GFI1B: variants seen among roughly 807,000 people sequenced by gnomAD.
The protein encoded by GFI1B is growth factor independent 1B transcriptional repressor.
A neutral mutation model predicts 35.3 loss-of-function variants in GFI1B; 20 were observed. The ratio of observed to expected loss-of-function variants is 0.57; its 90% CI spans 0.40 to 0.82. The LOEUF is 0.82. GFI1B is among the 40% of genes least tolerant of loss of function. The probability of loss-of-function intolerance (pLI) is 0.00; values close to 1 mark genes in which losing one functional copy is unlikely to be tolerated. For missense variants in GFI1B, 430 were observed against 446.3 expected, an observed-to-expected ratio of 0.96 and a Z score of 0.33; for synonymous variants, 178 against 177.6, an observed-to-expected ratio of 1.00 and a Z score of -0.02.
intron 1 of GFI1B, among the ~76,000 whole-genome samples, chr9:132,969,344 T>C (rs1467789489): frequency 6.6e-6 from 1 of 152,242 alleles, no homozygotes; most frequent in African/African-American, 2.4e-5. Context: ...CCCTATTATT[T>C]TGACTACTCT....
chr9:132,992,344 C>A (rs679281), downstream of GFI1B, among the ~76,000 whole-genome samples: 12 of 152,068 alleles, frequency 7.9e-5, no homozygotes, highest in Non-Finnish European at 1.5e-4. Flanking sequence ...AAGATGATAT[C>A]CACATCCTAA....
chr9:132,967,869 C>T (rs1056173414), intron 1 of GFI1B, among the ~76,000 whole-genome samples: 7 of 152,004 alleles, frequency 4.6e-5, no homozygotes, highest in Non-Finnish European at 1.0e-4. Flanking sequence ...GTAACCTCCG[C>T]CTCTGGGTTC....
At chr9:132,975,090 T>G (rs1848601841), upstream of GFI1B, 1 of 152,208 alleles carries the variant, frequency 6.6e-6, no homozygotes, top group African/African-American at 2.4e-5. Context: ...CAAGACCCCA[T>G]CTTTTTGAAA....
chr9:132,962,565 CA>C (rs35864638), intron 1 of GFI1B: 274,301 of 515,080 alleles, frequency 0.53, 75,875 homozygotes, highest in African/African-American at 0.77. Flanking sequence ...GAAACAAAAG[CA>C]AAAATCATCC....
intron 1 of GFI1B, among the ~76,000 whole-genome samples, chr9:132,969,310 C>A (rs553282509): frequency 6.6e-6 from 1 of 152,196 alleles, no homozygotes; most frequent in African/African-American, 2.4e-5. Flanking sequence ...GGATTACAGG[C>A]GTGAGCCACT....
chr9:132,988,349 C>T lies in GFI1B; in HGVS notation c.391C>T (p.Leu131=), dbSNP rs746537311. 41 of 1,614,198 alleles carry T rather than the reference C, an allele frequency of 2.5e-5. No homozygotes were observed. The highest frequency in any genetic ancestry group is 3.1e-5 in the Non-Finnish European group (37 of 1,180,024). The part of the protein sequence containing the change: ...QAPSTMQSAF[L]EHSVSLYGSP... ...CCCCTCCACCATGCAGTCAGCCTTC[C>T]TGGAGCACTCCGTCAGCCTGTACGG... Residue 131 remains leucine, a synonymous_variant, in exon 4 of 7, where the codon CTG becomes TTG. Coordinates refer to ENST00000372122, the MANE Select transcript of GFI1B (RefSeq NM_001377304.1).
At chr9:132,974,601 CAAAAAAAAAAA>C (rs11243966), upstream of GFI1B, among the ~76,000 whole-genome samples, 10 of 79,846 alleles carry the variant, frequency 1.3e-4, no homozygotes, top group African/African-American at 3.9e-4. Context: ...GAATCCGTCT[CAAAAAAAAAAA>C]AAAAAAAAAA....
Position 132,989,147 on chromosome 9 carries a change from A to G in GFI1B, c.597A>G (p.Lys199=), listed in dbSNP as rs1296436740. Residue 199 remains lysine, a synonymous_variant, in exon 5 of 7, where the codon AAA becomes AAG. Coordinates refer to ENST00000372122, the MANE Select transcript of GFI1B (RefSeq NM_001377304.1). This position sits in a 1 kb window ranked among gnomAD's most constrained non-coding sequence, Gnocchi z 6.2. ...TRPFACDICG[K]TFGHAVSLEQ... ...CCTTCGCCTGTGACATCTGCGGCAA[A>G]ACCTTCGGCCACGCTGTGAGCCTGG... The G allele has an allele frequency of 2.5e-6, 4 of 1,613,930 alleles. No individual in the cohort carries two copies. The highest frequency in any genetic ancestry group is 3.4e-6 in the Non-Finnish European group (4 of 1,179,956).
chr9:132,971,573 CACAT>C (rs1243181414), intron 1 of GFI1B, among the ~76,000 whole-genome samples: 1 of 152,048 alleles, frequency 6.6e-6, no homozygotes, highest in East Asian at 1.9e-4. Context: ...ACATTATAAA[CACAT>C]ACAAGTGGGA....
intron 1 of GFI1B, among the ~76,000 whole-genome samples, chr9:132,971,370 C>T (rs1296941873): frequency 1.3e-5 from 2 of 152,166 alleles, no homozygotes; most frequent in Admixed American, 1.3e-4. Flanking sequence ...CTGAGGCACA[C>T]CAGCCATCTC....
chr9:132,981,454 A>G (rs556499374), intron 1 of GFI1B, among the ~76,000 whole-genome samples: 1 of 152,228 alleles, frequency 6.6e-6, no homozygotes, highest in East Asian at 1.9e-4. Flanking sequence ...CCTGGGCAAC[A>G]TGGCAAAACC....
At chr9:132,963,459 C>A (rs974308018) in intron 1 of GFI1B, among the ~76,000 whole-genome samples, 2 of 151,984 alleles carry the variant, frequency 1.3e-5, no homozygotes, top group South Asian at 4.2e-4. Context: ...CCAGTCTGGG[C>A]GACAGAGACA....
rs147726410 is a variant in GFI1B, at chr9:132,989,159, C to T, written c.609C>T (p.His203=). 7.4e-5 allele frequency: 120 copies of T among 1,613,756 alleles called. No homozygotes were observed. In the Middle Eastern group the frequency reaches 8.2e-4, roughly 11 times the overall value. ...ACATCTGCGGCAAAACCTTCGGCCA[C>T]GCTGTGAGCCTGGAGCAGCACACGC... ...ACDICGKTFG[H]AVSLEQHTHV... is the part of the protein sequence containing the mutation. Residue 203 remains histidine, a synonymous_variant, in exon 5 of 7, where the codon CAC becomes CAT. Transcript: ENST00000372122. The surrounding 1 kb of genome is among the most constrained non-coding windows in gnomAD (Gnocchi z 6.2).
Position 132,988,297 on chromosome 9 carries a change from A to T in GFI1B, c.339A>T (p.Thr113=), listed in dbSNP as rs751718959. 6.2e-7 allele frequency: 1 copy of T among 1,614,062 alleles called. No homozygotes were observed. The highest frequency in any genetic ancestry group is 1.1e-5 in the South Asian group (1 of 91,096). The stretch of plus-strand genomic sequence containing the variant: ...GCTTCTCCTGGGACACCTTGGCCAC[A>T]ACCTATGGCCACAGCTACCGGCAGG... ...KPSFSWDTLA[T]TYGHSYRQAP... is the part of the protein sequence containing the mutation. The change falls in exon 4 of 7, where the codon ACA becomes ACT. Residue 113 remains threonine, a synonymous_variant. Transcript: ENST00000372122.
intron 1 of GFI1B, among the ~76,000 whole-genome samples, chr9:132,955,437 A>G (rs1057104385): frequency 6.6e-6 from 1 of 152,124 alleles, no homozygotes; most frequent in Non-Finnish European, 1.5e-5. Context: ...CTATGGGTGC[A>G]TGTCACCATG....
At chr9:132,982,656 GTTGT>G (rs905610820) in intron 1 of GFI1B, among the ~76,000 whole-genome samples, 3 of 150,912 alleles carry the variant, frequency 2.0e-5, no homozygotes, top group Non-Finnish European at 2.9e-5. Flanking sequence ...AAACCAAGTG[GTTGT>G]TAATTAACTA....
chr9:132,979,255 T>G (rs899417012), intron 1 of GFI1B, among the ~76,000 whole-genome samples: 3 of 141,098 alleles, frequency 2.1e-5, no homozygotes, highest in Admixed American at 2.1e-4. Flanking sequence ...ACTTTTTTTT[T>G]TTTTTTTTTT....
intron 1 of GFI1B, among the ~76,000 whole-genome samples, chr9:132,979,246 CTTTTTTTTTTTT>C (rs34125755): frequency 9.4e-5 from 9 of 95,642 alleles, no homozygotes; most frequent in East Asian, 5.6e-4. Flanking sequence ...TCCTGGGACA[CTTTTTTTTTTTT>C]TTTTTTTTTT....
At position 132,989,738 on chromosome 9, in the gene GFI1B, G is replaced by T; in HGVS notation, c.649-4G>T. The T allele has an allele frequency of 1.2e-6, 2 of 1,613,514 alleles. No homozygotes were observed. Among genetic ancestry groups the T allele is most frequent in the Non-Finnish European group, 1.7e-6 (2 of 1,179,596 alleles). On this transcript the variant is annotated splice_region_variant and splice_polypyrimidine_tract_variant and intron_variant, in intron 5 of 6. Coordinates refer to ENST00000372122, the MANE Select transcript of GFI1B (RefSeq NM_001377304.1). This position sits in a 1 kb window ranked among gnomAD's most constrained non-coding sequence, Gnocchi z 6.2. ...ACCCCCCGGGGCCTCATTTCCTCCG[G>T]CAGGAGCGCAGCTTCGAGTGCCGCA... is the stretch of plus-strand genomic sequence containing the variant.
Sources: allele counts gnomAD v4.1 joint callset (sites outside exome capture counted in the v4.1 genomes callset), GRCh38; gene constraint gnomAD v4.1.1; non-coding constraint Gnocchi (gnomAD v3.1); transcripts MANE v1.5; gene names NCBI Gene and HGNC (gene_info 2026-07-23, HGNC 2026-07-21).